Variants in NXPE4 observed in about 807,000 individuals in gnomAD.
The protein encoded by NXPE4 is NXPE family member 4.
NXPE4 carries 42 observed loss-of-function variants against 33.3 expected under a neutral mutation model. That is an observed-to-expected ratio of 1.26 (90% CI 0.98 to 1.63). The LOEUF is 1.63. NXPE4 is among the 40% of genes most tolerant of loss of function. The pLI is 0.00. For missense variants in NXPE4, 709 were observed against 647.6 expected, an observed-to-expected ratio of 1.09 and a Z score of -1.03; for synonymous variants, 253 against 234.9, an observed-to-expected ratio of 1.08 and a Z score of -0.71.
chr11:114,656,440 G>A, the NXPE4 span, among the ~76,000 whole-genome samples: 3,885 of 152,034 alleles, frequency 0.026, 163 homozygotes, highest in African/African-American at 0.088. Context: ...TTTGAATTTC[G>A]TATGGAATCA....
the NXPE4 span, among the ~76,000 whole-genome samples, chr11:114,638,324 T>G: frequency 5.3e-5 from 8 of 152,078 alleles, no homozygotes; most frequent in Non-Finnish European, 1.2e-4. Context: ...TCAGCTCCTT[T>G]AAGCACTTCT....
intron 2 of NXPE4, among the ~76,000 whole-genome samples, chr11:114,589,849 G>A (rs1384904165): frequency 6.6e-6 from 1 of 152,134 alleles, no homozygotes; most frequent in East Asian, 1.9e-4. Context: ...AATATTAGGA[G>A]CACAAAAACC....
chr11:114,659,573 A>G, the NXPE4 span, among the ~76,000 whole-genome samples: 1 of 152,162 alleles, frequency 6.6e-6, no homozygotes, highest in African/African-American at 2.4e-5. Context: ...ACTTCTACAT[A>G]ATTCAAGGGA....
the NXPE4 span, among the ~76,000 whole-genome samples, chr11:114,647,794 T>C: frequency 6.6e-6 from 1 of 151,836 alleles, no homozygotes. Flanking sequence ...CTCTTCCCCC[T>C]GGGTTTAAGC....
chr11:114,633,033 TTTA>T, the NXPE4 span, among the ~76,000 whole-genome samples: 2 of 112,722 alleles, frequency 1.8e-5, no homozygotes, highest in African/African-American at 3.6e-5. Context: ...AATGTAATAT[TTTA>T]TTATATAATT....
the NXPE4 span, among the ~76,000 whole-genome samples, chr11:114,650,725 C>T: frequency 5.9e-5 from 9 of 152,240 alleles, no homozygotes; most frequent in East Asian, 1.7e-3. Context: ...CCACCCAAGA[C>T]CAACCATGGA....
At chr11:114,614,943 T>C in the NXPE4 span, among the ~76,000 whole-genome samples, 1 of 150,096 alleles carries the variant, frequency 6.7e-6, no homozygotes, top group African/African-American at 2.5e-5. Context: ...CCTCTTGGGT[T>C]ACCACTGTTA....
chr11:114,652,334 G>A, the NXPE4 span, among the ~76,000 whole-genome samples: 1 of 152,154 alleles, frequency 6.6e-6, no homozygotes, highest in African/African-American at 2.4e-5. Context: ...AGGCTTCAGA[G>A]CACCAGAGCC....
chr11:114,583,521 G>A (rs367603267), intron 2 of NXPE4: 29 of 612,966 alleles, frequency 4.7e-5, no homozygotes, highest in East Asian at 1.3e-4. Flanking sequence ...CACAGCAAGC[G>A]GATGCAGAGA....
rs527913953 is a variant in NXPE4 at position 114,580,297 on chromosome 11, T to C, written c.934A>G (p.Thr312Ala). The change falls in exon 5 of 6, where the codon ACA (threonine) becomes GCA (alanine). Residue 312 changes from threonine (T) to alanine (A), a missense_variant. Thr to Ala is a moderately conservative substitution (Grantham distance 58). Transcript: ENST00000375478. ...AMKEKCKFGM[T>A]STIPSGHVWR... ...ACATGCCCACTGGGGATTGTGGATG[T>C]CATTCCAAACTTGCATTTCTCTTTC... 1.2e-6 allele frequency: 2 copies of C among 1,614,090 alleles called. No homozygotes were observed. The highest frequency in any genetic ancestry group is 1.7e-6 in the Non-Finnish European group (2 of 1,179,960).
the NXPE4 span, among the ~76,000 whole-genome samples, chr11:114,633,249 T>C: frequency 7.4e-6 from 1 of 135,120 alleles, no homozygotes; most frequent in East Asian, 2.1e-4. Context: ...ATATAATATA[T>C]AATATATAAG....
rs1263821277 is a variant in NXPE4 at position 114,594,711 on chromosome 11, T to C, written c.49A>G (p.Ile17Val). The change falls in exon 2 of 6, where the codon ATA (isoleucine) becomes GTA (valine). Residue 17 changes from isoleucine to valine, a missense_variant. Coordinates refer to ENST00000375478, the MANE Select transcript of NXPE4 (RefSeq NM_001077639.2). ...NYKSLLALLF[I>V]LASWIIFTVF... The stretch of plus-strand genomic sequence containing the variant: ...GTAAAAATGATCCAGGAGGCTAATA[T>C]AAACAACAGTGCCAATAGTGACTTA... The C allele has an allele frequency of 6.2e-7, 1 of 1,603,542 alleles. No homozygotes were observed. Among genetic ancestry groups the C allele is most frequent in the Admixed American group, 1.7e-5 (1 of 59,556 alleles).
At chr11:114,678,082 A>G in the NXPE4 span, among the ~76,000 whole-genome samples, 2 of 152,100 alleles carry the variant, frequency 1.3e-5, no homozygotes, top group Non-Finnish European at 2.9e-5. Flanking sequence ...AGCAAGAGAA[A>G]GTTTACAAAG....
the NXPE4 span, among the ~76,000 whole-genome samples, chr11:114,603,203 A>G: frequency 3.9e-5 from 6 of 152,006 alleles, no homozygotes; most frequent in Non-Finnish European, 7.4e-5. Flanking sequence ...CTCGTCTCCT[A>G]GGTAACTCCT....
At chr11:114,666,142 A>G in the NXPE4 span, among the ~76,000 whole-genome samples, 1 of 152,008 alleles carries the variant, frequency 6.6e-6, no homozygotes, top group African/African-American at 2.4e-5. Flanking sequence ...CATCCTTTCC[A>G]CTGACCTTCT....
chr11:114,621,852 C>T, the NXPE4 span, among the ~76,000 whole-genome samples: 1 of 151,982 alleles, frequency 6.6e-6, no homozygotes, highest in East Asian at 1.9e-4. Context: ...AATATTGCCT[C>T]ATGGGTAAAC....
Position 114,582,743 on chromosome 11 carries a change from G to T in NXPE4, c.375C>A (p.Asp125Glu), listed in dbSNP as rs1176084938. The change falls in exon 3 of 6, where the codon GAC becomes GAA. Residue 125 changes from aspartate (D) to glutamate (E), a missense_variant. Physicochemically the swap from Asp to Glu is conservative, Grantham distance 45. Coordinates refer to ENST00000375478, the MANE Select transcript of NXPE4 (RefSeq NM_001077639.2). The stretch of plus-strand genomic sequence containing the variant: ...CATATTGCTTCCTGCGTCCCAAGTG[G>T]TCCCTCACCTCCAGCAGGATGTGCA... ...DQLHILLEVR[D>E]HLGRRKQYGG... The T allele has an allele frequency of 1.9e-6, 3 of 1,614,116 alleles. No individual in the cohort carries two copies. Among genetic ancestry groups the T allele is most frequent in the Admixed American group, 1.7e-5 (1 of 60,004 alleles).
At chr11:114,595,072 C>T (rs1374781195) in intron 1 of NXPE4, among the ~76,000 whole-genome samples, 1 of 152,106 alleles carries the variant, frequency 6.6e-6, no homozygotes, top group East Asian at 1.9e-4. Context: ...ATGAAGTCTC[C>T]AGACTATTTG....
intron 2 of NXPE4, among the ~76,000 whole-genome samples, chr11:114,592,109 GA>G (rs1949471029): frequency 6.6e-6 from 1 of 152,096 alleles, no homozygotes; most frequent in Admixed American, 6.6e-5. Flanking sequence ...CTGAGATCTG[GA>G]ACAAGATATT....
Sources: gnomAD v4.1 joint callset for allele counts (sites outside exome capture counted in the v4.1 genomes callset) on GRCh38, gnomAD v4.1.1 for gene constraint, MANE v1.5 for transcripts, NCBI Gene and HGNC (gene_info 2026-07-23, HGNC 2026-07-21) for gene names.